Variants in TMEM117 observed in about 807,000 individuals in gnomAD.
The protein encoded by TMEM117 is transmembrane protein 117.
Under a neutral mutation model 52.4 loss-of-function variants are expected in TMEM117, and 27 were observed. The observed-to-expected ratio is 0.51, with a 90% CI of 0.38 to 0.71. The LOEUF is 0.71. Among genes scored for constraint, TMEM117 ranks in the 30% least tolerant of loss-of-function variants. The pLI is 0.00. For missense variants in TMEM117, 556 were observed against 630.5 expected, an observed-to-expected ratio of 0.88 and a Z score of 1.26; for synonymous variants, 215 against 206.3, an observed-to-expected ratio of 1.04 and a Z score of -0.36.
At chr12:44,169,362 C>T (rs1385176899) in intron 4 of TMEM117, among the ~76,000 whole-genome samples, 1 of 152,116 alleles carries the variant, frequency 6.6e-6, no homozygotes, top group Non-Finnish European at 1.5e-5. Context: ...TATTTTCTTT[C>T]TTTCTTTTTA....
chr12:44,281,738 TATC>T (rs1454012815), intron 5 of TMEM117, among the ~76,000 whole-genome samples: 3 of 152,214 alleles, frequency 2.0e-5, no homozygotes, highest in Non-Finnish European at 4.4e-5. Context: ...GTACTGTAGG[TATC>T]ATTTTATTTT....
At chr12:44,232,014 A>T (rs1291314106) in intron 5 of TMEM117, among the ~76,000 whole-genome samples, 2 of 151,696 alleles carry the variant, frequency 1.3e-5, no homozygotes, top group Non-Finnish European at 3.0e-5. Context: ...AAATGAGAAT[A>T]GTAGTAGTCC....
chr12:43,889,269 G>A (rs1944058013), intron 2 of TMEM117, among the ~76,000 whole-genome samples: 2 of 152,162 alleles, frequency 1.3e-5, no homozygotes, highest in Non-Finnish European at 2.9e-5. Flanking sequence ...TTTTAGTAAA[G>A]ACGGGGTTTC....
intron 6 of TMEM117, among the ~76,000 whole-genome samples, chr12:44,356,451 C>G (rs574049401): frequency 1.3e-5 from 2 of 152,194 alleles, no homozygotes; most frequent in Non-Finnish European, 2.9e-5. Context: ...AGGTATTCAA[C>G]TGAGTTCCTT....
the TMEM117 span, among the ~76,000 whole-genome samples, chr12:43,819,798 G>C: frequency 6.6e-6 from 1 of 151,966 alleles, no homozygotes; most frequent in Non-Finnish European, 1.5e-5. Context: ...AAGAGAGAGA[G>C]AGGGAGAGAG....
chr12:43,812,314 AT>A, the TMEM117 span, among the ~76,000 whole-genome samples: 1 of 152,180 alleles, frequency 6.6e-6, no homozygotes, highest in Non-Finnish European at 1.5e-5. Context: ...CTGGCCTTTC[AT>A]TTCAGTTGTG....
chr12:44,213,534 T>C (rs1949674702), intron 5 of TMEM117, among the ~76,000 whole-genome samples: 1 of 152,228 alleles, frequency 6.6e-6, no homozygotes, highest in South Asian at 2.1e-4. Context: ...ATTAGTGTAC[T>C]GATACGGTCT....
rs1036558642 is a variant in TMEM117, at chr12:44,378,105, TG to T, written c.898+1389del. Among the ~76,000 whole-genome samples, 7 of 151,752 alleles carry T rather than the reference TG, an allele frequency of 4.6e-5. 1 individual carries two copies. Among genetic ancestry groups the T allele is most frequent in the East Asian group, 1.9e-4 (1 of 5,174 alleles). ...CACACATGGCATCATCATATCCCTT[TG>T]GGGGGGGCTTTTGCGTAGACCATCT... On this transcript the variant is annotated intron_variant, in intron 7 of 7. Coordinates refer to ENST00000266534, the MANE Select transcript of TMEM117 (RefSeq NM_032256.3).
intron 5 of TMEM117, among the ~76,000 whole-genome samples, chr12:44,228,806 G>A (rs555431718): frequency 6.6e-6 from 1 of 152,300 alleles, no homozygotes; most frequent in Admixed American, 6.5e-5. Context: ...AGGGTCATTT[G>A]AGATATGGTC....
intron 3 of TMEM117, among the ~76,000 whole-genome samples, chr12:43,949,686 C>T (rs183735121): frequency 3.4e-4 from 52 of 152,220 alleles, no homozygotes; most frequent in African/African-American, 1.2e-3. Context: ...TAATGACTGC[C>T]TATCTCCTGA....
At chr12:44,252,727 C>T (rs145170454) in intron 5 of TMEM117, among the ~76,000 whole-genome samples, 6 of 152,252 alleles carry the variant, frequency 3.9e-5, no homozygotes, top group Non-Finnish European at 8.8e-5. Context: ...AGTTACATAA[C>T]CTGGAGCACC....
At chr12:44,228,152 G>A (rs543906211) in intron 5 of TMEM117, among the ~76,000 whole-genome samples, 1 of 152,084 alleles carries the variant, frequency 6.6e-6, no homozygotes, top group Non-Finnish European at 1.5e-5. Context: ...TTAAATAGAA[G>A]CACAATATGA....
intron 2 of TMEM117, among the ~76,000 whole-genome samples, chr12:43,891,897 C>T (rs1944112649): frequency 1.3e-5 from 2 of 152,022 alleles, no homozygotes; most frequent in Admixed American, 6.6e-5. Context: ...AAAACTGTCC[C>T]GTGGAAAATA....
Position 44,299,650 on chromosome 12 carries a change from C to A in TMEM117, c.679C>A (p.Leu227Met). 6 of 1,614,202 alleles carry A rather than the reference C, an allele frequency of 3.7e-6. No homozygotes were observed. The highest frequency in any genetic ancestry group is 5.1e-6 in the Non-Finnish European group (6 of 1,180,026). Residue 227 changes from leucine (L) to methionine (M), a missense_variant, in exon 6 of 8, where the codon CTG becomes ATG. Transcript: ENST00000266534. ...ITTDWISWDK[L>M]NRGFLPSDEV... ...AACGGACTGGATCAGCTGGGACAAG[C>A]TGAATCGGGGATTTTTGCCCAGTGA... is the stretch of plus-strand genomic sequence containing the variant.
chr12:44,369,406 T>C (rs1022961686), intron 6 of TMEM117, among the ~76,000 whole-genome samples: 2 of 152,202 alleles, frequency 1.3e-5, no homozygotes, highest in African/African-American at 4.8e-5. Context: ...TATACTTACT[T>C]TTCAGGCCTC....
the TMEM117 span, among the ~76,000 whole-genome samples, chr12:43,818,382 C>T: frequency 6.6e-6 from 1 of 152,042 alleles, no homozygotes; most frequent in South Asian, 2.1e-4. Flanking sequence ...ACACCCCACC[C>T]ACCTTAACCT....
Position 43,918,197 on chromosome 12 carries a change from C to G in TMEM117, c.278-26013C>G, listed in dbSNP as rs577332055. On this transcript the variant is annotated intron_variant, in intron 2 of 7. Coordinates refer to ENST00000266534, the MANE Select transcript of TMEM117 (RefSeq NM_032256.3). ...TGTTACAAGGGGGACGTCATTCTGT[C>G]ATTGCCTGGAACAGTTCTTTTTTTC... 5.3e-5 allele frequency among the ~76,000 whole-genome samples: 8 copies of G among 152,286 alleles called. No homozygotes were observed. In the South Asian group the frequency reaches 1.7e-3, roughly 32 times the overall value.
chr12:43,900,490 C>T (rs183010845), intron 2 of TMEM117, among the ~76,000 whole-genome samples: 7 of 151,972 alleles, frequency 4.6e-5, no homozygotes, highest in East Asian at 3.9e-4. Flanking sequence ...GAGGCCGAGG[C>T]GGGTGGATCA....
intron 2 of TMEM117, among the ~76,000 whole-genome samples, chr12:43,917,831 A>G (rs1434760327): frequency 6.6e-6 from 1 of 152,106 alleles, no homozygotes. Context: ...TGACCTTACA[A>G]TCCCCTTGTC....
Sources: gnomAD v4.1 joint callset for allele counts (sites outside exome capture counted in the v4.1 genomes callset) on GRCh38, gnomAD v4.1.1 for gene constraint, MANE v1.5 for transcripts, NCBI Gene and HGNC (gene_info 2026-07-23, HGNC 2026-07-21) for gene names.